F13A1: variants seen among roughly 807,000 people sequenced by gnomAD.
The protein encoded by F13A1 is FSF, A subunit.
Under a neutral mutation model 80.1 loss-of-function variants are expected in F13A1, and 47 were observed. The observed-to-expected ratio is 0.59, with a 90% CI of 0.46 to 0.75. F13A1 has a LOEUF of 0.75. F13A1 is among the 30% of genes least tolerant of loss of function. F13A1 has a pLI of 0.00. For missense variants in F13A1, 817 were observed against 930.4 expected (o/e 0.88, Z 1.59); for synonymous variants, 349 against 344.9 (o/e 1.01, Z -0.13).
At chr6:6,212,044 G>A (rs888877019) in intron 8 of F13A1, among the ~76,000 whole-genome samples, 4 of 152,212 alleles carry the variant, frequency 2.6e-5, no homozygotes, top group African/African-American at 4.8e-5. Flanking sequence ...ACGGAGTCTC[G>A]CTGATTGCTA....
chr6:6,218,113 C>T (rs1455952499), intron 8 of F13A1, among the ~76,000 whole-genome samples: 1 of 152,192 alleles, frequency 6.6e-6, no homozygotes, highest in Non-Finnish European at 1.5e-5. Context: ...AGACCACACT[C>T]TCTCCAGCAA....
intron 3 of F13A1, among the ~76,000 whole-genome samples, chr6:6,271,045 G>A (rs952996303): frequency 1.4e-4 from 21 of 149,528 alleles, no homozygotes; most frequent in African/African-American, 4.7e-4. Context: ...CACGTGGCCC[G>A]GGAACAGGTT....
intron 8 of F13A1, 27 bp downstream of exon 8, chr6:6,222,006 G>C: frequency 6.2e-7 from 1 of 1,612,018 alleles, no homozygotes; most frequent in Admixed American, 1.7e-5. Flanking sequence ...TGTGACATCA[G>C]CCAATGCCAT....
At chr6:6,294,711 T>TTC (rs1236596368) in intron 3 of F13A1, among the ~76,000 whole-genome samples, 6 of 149,412 alleles carry the variant, frequency 4.0e-5, no homozygotes, top group African/African-American at 1.5e-4. Flanking sequence ...CTGGTAGAGA[T>TTC]TCTTTTTTTT....
chr6:6,181,120 G>A (rs1352498218), intron 11 of F13A1, among the ~76,000 whole-genome samples: 1 of 152,052 alleles, frequency 6.6e-6, no homozygotes, highest in Non-Finnish European at 1.5e-5. Flanking sequence ...TAAACATACC[G>A]GGCTGCTGCA....
chr6:6,157,849 G>A (rs1182564610), intron 13 of F13A1, among the ~76,000 whole-genome samples: 1 of 152,178 alleles, frequency 6.6e-6, no homozygotes, highest in African/African-American at 2.4e-5. Flanking sequence ...AACATGAAAT[G>A]CACAGAGCAA....
At chr6:6,300,404 C>T (rs528613273) in intron 3 of F13A1, among the ~76,000 whole-genome samples, 11 of 151,542 alleles carry the variant, frequency 7.3e-5, no homozygotes, top group Admixed American at 2.0e-4. Context: ...ACTCCGTGGG[C>T]GTAGGACCCT....
chr6:6,177,842 C>T (rs1389113830), intron 11 of F13A1, among the ~76,000 whole-genome samples: 1 of 152,144 alleles, frequency 6.6e-6, no homozygotes, highest in East Asian at 1.9e-4. Context: ...CATGGGAGGC[C>T]TCTCGGAGTT....
At chr6:6,264,408 T>A (rs1411065684) in intron 4 of F13A1, among the ~76,000 whole-genome samples, 1 of 152,228 alleles carries the variant, frequency 6.6e-6, no homozygotes, top group African/African-American at 2.4e-5. Context: ...AACTCTTGAT[T>A]GATAAGTATG....
At position 6,169,803 on chromosome 6, in the gene F13A1, C is replaced by T. The variant is rs543486037; in HGVS notation, c.1748-2185G>A. Among the ~76,000 whole-genome samples, 4 of 152,288 alleles carry T rather than the reference C, an allele frequency of 2.6e-5. No individual in the cohort carries two copies. The South Asian group carries it at 6.2e-4, about 24-fold the overall frequency. Reference sequence around the variant, plus strand: ...CAATGGTGCTGAAACCAAGAAACCCCGCATAGGGCAGGTGGATTATTAGAA... The same window carrying T: ...CAATGGTGCTGAAACCAAGAAACCCTGCATAGGGCAGGTGGATTATTAGAA... On this transcript the variant is annotated intron_variant, in intron 12 of 14. Transcript: ENST00000264870.
At chr6:6,263,536 G>C (rs894540451) in intron 4 of F13A1, among the ~76,000 whole-genome samples, 4 of 152,136 alleles carry the variant, frequency 2.6e-5, no homozygotes, top group African/African-American at 9.7e-5. Flanking sequence ...TGAATCATTT[G>C]TGTCCGTTAT....
rs1020332408 is a variant in F13A1, at chr6:6,162,624, G to A, written c.1908+4834C>T. 6.6e-6 allele frequency among the ~76,000 whole-genome samples: 1 copy of A among 152,122 alleles called. No homozygotes were observed. The highest frequency in any genetic ancestry group is 1.9e-4 in the East Asian group (1 of 5,194). On this transcript the variant is annotated intron_variant, in intron 13 of 14. Coordinates refer to ENST00000264870, the MANE Select transcript of F13A1 (RefSeq NM_000129.4). The surrounding 1 kb of genome is among the most constrained non-coding windows in gnomAD (Gnocchi z 4.2). Reference sequence around the variant, plus strand: ...TTCCCTCAACAGGCACGTGATCACGGGCCAGTTACTAATAAACAGCAATAA... The same window carrying A: ...TTCCCTCAACAGGCACGTGATCACGAGCCAGTTACTAATAAACAGCAATAA...
intron 2 of F13A1, among the ~76,000 whole-genome samples, chr6:6,313,414 GAAAAGA>G (rs1159028794): frequency 4.6e-4 from 25 of 54,594 alleles, no homozygotes; most frequent in Middle Eastern, 0.011. Flanking sequence ...GACTGTTAAA[GAAAAGA>G]AAAAAATCTC....
chr6:6,159,051 G>A lies in F13A1; in HGVS notation c.1909-7102C>T, dbSNP rs140923595. Reference sequence around the variant, plus strand: ...CGAGTAGCAGGGACTACAGGTGCCCGCCACTATGCCTGCCTAATTTTTTGT... The same window carrying A: ...CGAGTAGCAGGGACTACAGGTGCCCACCACTATGCCTGCCTAATTTTTTGT... On this transcript the variant is annotated intron_variant, in intron 13 of 14. Coordinates refer to ENST00000264870, the MANE Select transcript of F13A1 (RefSeq NM_000129.4). 1.8e-3 allele frequency among the ~76,000 whole-genome samples: 279 copies of A among 151,990 alleles called. 2 individuals carry two copies. The East Asian group carries it at 0.023, about 12-fold the overall frequency.
chr6:6,145,868 TTC>T (rs1760268977), intron 14 of F13A1, 96 bp from the exon 15 acceptor site: 3 of 1,541,326 alleles, frequency 1.9e-6, no homozygotes, highest in Non-Finnish European at 2.7e-6. Flanking sequence ...CTTGCTTTCT[TTC>T]TCTCAGTTGG....
chr6:6,176,978 T>A (rs544662490), intron 11 of F13A1, among the ~76,000 whole-genome samples: 1 of 152,284 alleles, frequency 6.6e-6, no homozygotes, highest in African/African-American at 2.4e-5. Flanking sequence ...AGAAGCAGGC[T>A]GGGGCTGTTC....
At chr6:6,222,230 GA>G (rs3024416) in intron 7 of F13A1, 59 bp from the exon 8 acceptor site, 49 of 1,607,974 alleles carry the variant, frequency 3.0e-5, no homozygotes, top group Non-Finnish European at 4.2e-5. Context: ...AACACAGAGT[GA>G]AAAAACCCTT....
At chr6:6,256,931 C>A (rs1175315384) in intron 4 of F13A1, among the ~76,000 whole-genome samples, 4 of 152,150 alleles carry the variant, frequency 2.6e-5, no homozygotes, top group Non-Finnish European at 5.9e-5. Flanking sequence ...GAACAGCTAA[C>A]CTACATGGTC....
intron 3 of F13A1, among the ~76,000 whole-genome samples, chr6:6,273,461 C>T (rs1757948059): frequency 6.6e-6 from 1 of 152,144 alleles, no homozygotes; most frequent in Non-Finnish European, 1.5e-5. Flanking sequence ...AAGCTTCTTC[C>T]TCAGAGGGTG....
Sources: gnomAD v4.1 joint callset for allele counts (sites outside exome capture counted in the v4.1 genomes callset) on GRCh38, gnomAD v4.1.1 for gene constraint, Gnocchi (gnomAD v3.1) non-coding constraint, MANE v1.5 for transcripts, NCBI Gene and HGNC (gene_info 2026-07-23, HGNC 2026-07-21) for gene names.